The following CDH19 variants were observed in gnomAD, a reference collection of about 807,000 sequenced individuals.
CDH19 encodes cadherin-19.
A neutral mutation model predicts 64.2 loss-of-function variants in CDH19; 67 were observed. The observed-to-expected ratio is 1.04, with a 90% CI of 0.86 to 1.28. The LOEUF is 1.28. CDH19 is among the 50% of genes most tolerant of loss of function. The pLI, the probability that CDH19 is intolerant of heterozygous loss-of-function variation, is 0.00. For synonymous variants in CDH19, 346 were observed against 319.3 expected (o/e 1.08, Z -0.89); for missense variants, 1,030 against 929.0 (o/e 1.11, Z -1.41).
chr18:66,538,272 T>C (rs1369138722), intron 7 of CDH19, among the ~76,000 whole-genome samples: 1 of 152,150 alleles, frequency 6.6e-6, no homozygotes, highest in Non-Finnish European at 1.5e-5. Context: ...TATAATAAAG[T>C]ACATTTGCAA....
intron 3 of CDH19, among the ~76,000 whole-genome samples, chr18:66,565,900 C>T (rs1207319939): frequency 1.3e-5 from 2 of 151,950 alleles, no homozygotes; most frequent in Non-Finnish European, 2.9e-5. Context: ...CCCTAACTGG[C>T]ACTCACACAG....
In CDH19 at chr18:66,503,533, A is replaced by G. The variant is rs1480592036; in HGVS notation, c.*1279T>C. The G allele has an allele frequency of 1.3e-5, 2 of 151,838 alleles. No homozygotes were observed. Among genetic ancestry groups the G allele is most frequent in the African/African-American group, 2.4e-5 (1 of 41,444 alleles). The allele number at this position is 151,838 out of a possible 1,614,324, so 9.4% of individuals were successfully genotyped here. A position where few individuals can be genotyped will look rare whatever the true frequency, so the allele number is the denominator to read the frequency against. The stretch of plus-strand genomic sequence containing the variant: ...AAGTTGTCTAAATAATTTTTAGTAG[A>G]GGTAAAAATTTACTTAAATTTTTCC... On this transcript the variant is annotated 3_prime_UTR_variant, in exon 12 of 12. Transcript: ENST00000262150.
In CDH19 at chr18:66,573,959, T is replaced by C. The variant is rs113682066; in HGVS notation, c.-112-1643A>G. On this transcript the variant is annotated intron_variant, in intron 1 of 11. Coordinates refer to ENST00000262150, the MANE Select transcript of CDH19 (RefSeq NM_021153.4). ...TTATGTAAGTGTGTATACACACTTT[T>C]AAACATCAAAGCTTAAAATTAAGAA... 4.0e-3 allele frequency among the ~76,000 whole-genome samples: 612 copies of C among 151,400 alleles called. 2 individuals are homozygous for C. The highest frequency in any genetic ancestry group is 6.7e-3 in the Non-Finnish European group (450 of 67,582).
chr18:66,570,192 T>C (rs370822741), intron 2 of CDH19, among the ~76,000 whole-genome samples: 1 of 151,620 alleles, frequency 6.6e-6, no homozygotes, highest in Non-Finnish European at 1.5e-5. Context: ...TGATAATTTA[T>C]TTGATATTAT....
At chr18:66,568,973 T>C (rs751955225) in intron 2 of CDH19, among the ~76,000 whole-genome samples, 7 of 151,714 alleles carry the variant, frequency 4.6e-5, no homozygotes, top group Non-Finnish European at 7.4e-5. Flanking sequence ...ATAAAGCTTC[T>C]TTTGTAAGTT....
chr18:66,514,652 T>G (rs1985653572), intron 9 of CDH19, among the ~76,000 whole-genome samples: 1 of 151,622 alleles, frequency 6.6e-6, no homozygotes, highest in Non-Finnish European at 1.5e-5. Flanking sequence ...TTTATGAAAC[T>G]ATAATCACTA....
chr18:66,597,787 G>A (rs1051044806), intron 1 of CDH19, among the ~76,000 whole-genome samples: 1 of 152,006 alleles, frequency 6.6e-6, no homozygotes, highest in Non-Finnish European at 1.5e-5. Context: ...CAAAAGATAT[G>A]AACAGAGGCT....
chr18:66,589,086 C>A (rs1323550072), intron 1 of CDH19, among the ~76,000 whole-genome samples: 1 of 151,684 alleles, frequency 6.6e-6, no homozygotes, highest in Non-Finnish European at 1.5e-5. Context: ...CCACCAATTA[C>A]CATACATGTA....
rs1406381293 is a variant in CDH19, at chr18:66,554,520, T to C, written c.495A>G (p.Thr165=). ...AIVPEMSPEG[T]LVIQVTASDA... is the part of the protein sequence containing the mutation. ...CACTTGCTGTCACCTGGATAACTAA[T>C]GTTCCTAAAGAGAACATAATACAGG... Residue 165 remains threonine, a synonymous_variant, in exon 4 of 12, where the codon ACA becomes ACG. Transcript: ENST00000262150. 6.2e-7 allele frequency: 1 copy of C among 1,610,950 alleles called. No individual in the cohort carries two copies. Among genetic ancestry groups the C allele is most frequent in the South Asian group, 1.1e-5 (1 of 90,918 alleles).
At chr18:66,505,694 G>C (rs1985166114) in intron 11 of CDH19, among the ~76,000 whole-genome samples, 2 of 151,170 alleles carry the variant, frequency 1.3e-5, no homozygotes, top group African/African-American at 4.8e-5. Flanking sequence ...GAATGCGTTT[G>C]TCAACTTTAG....
chr18:66,523,628 T>C (rs948981819), intron 9 of CDH19, among the ~76,000 whole-genome samples: 2 of 139,324 alleles, frequency 1.4e-5, no homozygotes, highest in African/African-American at 5.4e-5. Flanking sequence ...GGGGGGGGAG[T>C]GGGTCTCAAG....
chr18:66,592,310 T>C (rs1568213493), intron 1 of CDH19, among the ~76,000 whole-genome samples: 1 of 151,860 alleles, frequency 6.6e-6, no homozygotes, highest in Non-Finnish European at 1.5e-5. Flanking sequence ...ATACATGTAT[T>C]CAATGTGTGA....
chr18:66,587,339 A>C (rs893236931), intron 1 of CDH19, among the ~76,000 whole-genome samples: 4 of 152,128 alleles, frequency 2.6e-5, no homozygotes, highest in African/African-American at 4.8e-5. Context: ...CAGACTCAGA[A>C]GGAACTGCGA....
chr18:66,573,313 T>A (rs1408827882), intron 1 of CDH19, among the ~76,000 whole-genome samples: 1 of 151,664 alleles, frequency 6.6e-6, no homozygotes, highest in Non-Finnish European at 1.5e-5. Context: ...TTGAATCTTC[T>A]GCATGTATTT....
At chr18:66,593,731 G>C (rs921535629) in intron 1 of CDH19, among the ~76,000 whole-genome samples, 1 of 151,962 alleles carries the variant, frequency 6.6e-6, no homozygotes, top group African/African-American at 2.4e-5. Context: ...TTTTATATCG[G>C]CCTTCAATTA....
At chr18:66,517,913 A>C (rs546516931) in intron 9 of CDH19, among the ~76,000 whole-genome samples, 1 of 151,960 alleles carries the variant, frequency 6.6e-6, no homozygotes, top group Non-Finnish European at 1.5e-5. Flanking sequence ...TTACAATTCT[A>C]TCATTTATTT....
intron 9 of CDH19, among the ~76,000 whole-genome samples, chr18:66,529,518 A>G (rs1986352577): frequency 2.0e-5 from 3 of 150,690 alleles, no homozygotes; most frequent in African/African-American, 7.3e-5. Flanking sequence ...CATGCTTTTA[A>G]AAATTAAAAT....
At chr18:66,512,552 A>C (rs978100629) in intron 9 of CDH19, among the ~76,000 whole-genome samples, 6 of 151,738 alleles carry the variant, frequency 4.0e-5, no homozygotes, top group African/African-American at 1.2e-4. Context: ...ACTTCAAAAA[A>C]ATAGATACAT....
intron 1 of CDH19, among the ~76,000 whole-genome samples, chr18:66,578,504 T>C (rs1431239746): frequency 1.3e-5 from 2 of 151,856 alleles, no homozygotes; most frequent in Non-Finnish European, 2.9e-5. Flanking sequence ...AGAGCAACTG[T>C]ACCTCTCATA....
Sources: allele counts gnomAD v4.1 joint callset (sites outside exome capture counted in the v4.1 genomes callset), GRCh38; gene constraint gnomAD v4.1.1; transcripts MANE v1.5; gene names NCBI Gene and HGNC (gene_info 2026-07-23, HGNC 2026-07-21).